The following LRMDA variants were observed in gnomAD, a reference collection of about 807,000 sequenced individuals.
LRMDA encodes the protein leucine-rich melanocyte differentiation-associated protein.
LRMDA carries 18 observed loss-of-function variants against 29.8 expected under a neutral mutation model. That is an observed-to-expected ratio of 0.60 (90% CI 0.42 to 0.90). The LOEUF is 0.90. Among genes scored for constraint, LRMDA ranks in the 40% least tolerant of loss-of-function variants. The pLI is 0.00. For missense variants in LRMDA, 273 were observed against 273.9 expected (o/e 1.00, Z 0.02); for synonymous variants, 125 against 109.4 (o/e 1.14, Z -0.89).
At chr10:76,508,814 A>G (rs1842982937) in intron 6 of LRMDA, among the ~76,000 whole-genome samples, 3 of 152,210 alleles carry the variant, frequency 2.0e-5, no homozygotes, top group Admixed American at 2.0e-4. Flanking sequence ...TTTTAATGAA[A>G]TAACTGAGAA....
chr10:76,283,252 AT>A (rs1179374825), intron 5 of LRMDA, among the ~76,000 whole-genome samples: 1 of 152,228 alleles, frequency 6.6e-6, no homozygotes, highest in Non-Finnish European at 1.5e-5. Context: ...GTACAGCAGT[AT>A]TTGCCCTCAG....
intron 5 of LRMDA, among the ~76,000 whole-genome samples, chr10:76,172,737 A>G (rs1165454863): frequency 2.0e-5 from 3 of 152,178 alleles, no homozygotes. Flanking sequence ...TACTCAGGAG[A>G]GTATTGTCTC....
intron 2 of LRMDA, among the ~76,000 whole-genome samples, chr10:75,725,652 T>C (rs1164322672): frequency 6.6e-6 from 1 of 152,224 alleles, no homozygotes; most frequent in Non-Finnish European, 1.5e-5. Flanking sequence ...TGGCTTTTCT[T>C]AAGGATAGAT....
At chr10:75,718,364 G>A (rs927243904) in intron 2 of LRMDA, among the ~76,000 whole-genome samples, 26 of 152,158 alleles carry the variant, frequency 1.7e-4, no homozygotes, top group Non-Finnish European at 4.4e-5. Context: ...ACTTGGAGAG[G>A]GCAGAGGAAA....
chr10:76,527,078 G>A (rs535264890), intron 6 of LRMDA, among the ~76,000 whole-genome samples: 7 of 148,862 alleles, frequency 4.7e-5, no homozygotes, highest in African/African-American at 1.7e-4. Context: ...AGAAGAGGTG[G>A]AGCTGGGATT....
chr10:76,058,959 A>G (rs912267869), intron 5 of LRMDA, among the ~76,000 whole-genome samples, 176 bp downstream of exon 5: 1 of 152,176 alleles, frequency 6.6e-6, no homozygotes, highest in Non-Finnish European at 1.5e-5. Flanking sequence ...TGTAAATTGG[A>G]TCTTCCTGTT....
At chr10:76,536,546 C>A (rs982277674) in intron 6 of LRMDA, among the ~76,000 whole-genome samples, 1 of 152,106 alleles carries the variant, frequency 6.6e-6, no homozygotes, top group African/African-American at 2.4e-5. Flanking sequence ...CTTTTCATGA[C>A]ATTTCATTTT....
intron 6 of LRMDA, among the ~76,000 whole-genome samples, chr10:76,544,228 G>A (rs771965379): frequency 6.6e-6 from 1 of 152,090 alleles, no homozygotes; most frequent in Non-Finnish European, 1.5e-5. Context: ...TCAAACTGTC[G>A]GAGCCAGATG....
intron 5 of LRMDA, among the ~76,000 whole-genome samples, chr10:76,062,319 T>A (rs1848713868): frequency 6.6e-6 from 1 of 152,108 alleles, no homozygotes. Flanking sequence ...TTTGGGAGAA[T>A]GGAAAATGTC....
In LRMDA at chr10:75,448,932, A is replaced by C. The variant is rs1469102488; in HGVS notation, c.131+10438A>C. 3.9e-5 allele frequency among the ~76,000 whole-genome samples: 6 copies of C among 152,280 alleles called. 1 individual carries two copies. In the Middle Eastern group the frequency reaches 0.01, roughly 259 times the overall value. ...TTTGGGATACTGAGGTGGGCAGATC[A>C]CTTGAGGTCAGAAGTTCAAGACCAG... On this transcript the variant is annotated intron_variant, in intron 2 of 6. Transcript: ENST00000611255.
At chr10:75,977,893 T>C (rs956653604) in intron 2 of LRMDA, among the ~76,000 whole-genome samples, 2 of 149,236 alleles carry the variant, frequency 1.3e-5, no homozygotes, top group East Asian at 4.0e-4. Context: ...AACCTCTCTG[T>C]GCCTCAGTTT....
At chr10:76,057,757 G>A (rs1848640042) in intron 4 of LRMDA, among the ~76,000 whole-genome samples, 1 of 152,186 alleles carries the variant, frequency 6.6e-6, no homozygotes, top group South Asian at 2.1e-4. Flanking sequence ...AGAATAGGGT[G>A]GAAACAACTC....
At chr10:76,163,595 C>G (rs1850686031) in intron 5 of LRMDA, among the ~76,000 whole-genome samples, 1 of 152,042 alleles carries the variant, frequency 6.6e-6, no homozygotes, top group South Asian at 2.1e-4. Context: ...GTAATTCATA[C>G]TTGGCTTAGC....
chr10:76,358,058 G>A (rs996976592), intron 6 of LRMDA, among the ~76,000 whole-genome samples: 11 of 152,118 alleles, frequency 7.2e-5, no homozygotes, highest in African/African-American at 2.2e-4. Flanking sequence ...ATCCCATATG[G>A]AGAGGTCCTT....
chr10:76,227,439 G>A lies in LRMDA; in HGVS notation c.517-96962G>A, dbSNP rs140254487. Among the ~76,000 whole-genome samples the A allele has an allele frequency of 9.7e-4, 148 of 152,212 alleles. 3 individuals are homozygous for A. In the East Asian group the frequency reaches 0.026, roughly 27 times the overall value. On this transcript the variant is annotated intron_variant, in intron 5 of 6. Coordinates refer to ENST00000611255, the MANE Select transcript of LRMDA (RefSeq NM_001305581.2). ...GTGATTGACAACTGGCTCCATGAAC[G>A]TGGGGCATTGTACCTACCAACTGTA...
intron 6 of LRMDA, among the ~76,000 whole-genome samples, chr10:76,431,072 A>C (rs995227085): frequency 2.0e-5 from 3 of 152,208 alleles, no homozygotes; most frequent in Non-Finnish European, 4.4e-5. Context: ...TTATCTCTAC[A>C]GTTCAAGGCT....
At chr10:76,473,630 G>A (rs557527473) in intron 6 of LRMDA, among the ~76,000 whole-genome samples, 87 of 146,588 alleles carry the variant, frequency 5.9e-4, no homozygotes, top group African/African-American at 2.1e-3. Flanking sequence ...AAAAAAAAAA[G>A]AAAAAAGAAA....
intron 2 of LRMDA, among the ~76,000 whole-genome samples, chr10:75,856,470 A>T (rs951893226): frequency 2.0e-5 from 3 of 152,208 alleles, no homozygotes; most frequent in Non-Finnish European, 4.4e-5. Flanking sequence ...AGCACATCAA[A>T]AAGTTTGTCC....
At chr10:76,216,668 T>TGG (rs1471341533) in intron 5 of LRMDA, among the ~76,000 whole-genome samples, 2 of 152,212 alleles carry the variant, frequency 1.3e-5, no homozygotes, top group Non-Finnish European at 2.9e-5. Context: ...TTGGAGAGTA[T>TGG]GTATATCTAC....
Sources: gnomAD v4.1 joint callset for allele counts (sites outside exome capture counted in the v4.1 genomes callset) on GRCh38, gnomAD v4.1.1 for gene constraint, MANE v1.5 for transcripts, NCBI Gene and HGNC (gene_info 2026-07-23, HGNC 2026-07-21) for gene names.